The following UTRN variants were observed in gnomAD, a reference collection of about 807,000 sequenced individuals.
UTRN encodes utrophin.
Under a neutral mutation model 463.9 loss-of-function variants are expected in UTRN, and 283 were observed. The observed-to-expected ratio is 0.61, with a 90% CI of 0.55 to 0.67. The LOEUF (loss-of-function observed/expected upper bound fraction) is 0.67, where lower values mean the gene tolerates loss of function less well. UTRN is among the 30% of genes least tolerant of loss of function. The pLI is 0.00. For synonymous variants in UTRN, 1,442 were observed against 1,431.5 expected, an observed-to-expected ratio of 1.01 and a Z score of -0.17; for missense variants, 3,922 against 4,084.3, an observed-to-expected ratio of 0.96 and a Z score of 1.08.
intron 51 of UTRN, among the ~76,000 whole-genome samples, chr6:144,609,173 A>G (rs1384958270): frequency 6.6e-6 from 1 of 152,232 alleles, no homozygotes; most frequent in African/African-American, 2.4e-5. Flanking sequence ...AGAAAAAGTA[A>G]GGTCTAATCA....
intron 65 of UTRN, among the ~76,000 whole-genome samples, chr6:144,812,640 C>T (rs1778723694): frequency 6.6e-6 from 1 of 152,006 alleles, no homozygotes; most frequent in South Asian, 2.1e-4. Flanking sequence ...TGTTCTCTGT[C>T]AAGGATAAAA....
At chr6:144,631,317 C>T (rs1776498416) in intron 51 of UTRN, among the ~76,000 whole-genome samples, 1 of 151,592 alleles carries the variant, frequency 6.6e-6, no homozygotes, top group Non-Finnish European at 1.5e-5. Flanking sequence ...AAGTAACCTC[C>T]TGTCTGGCAT....
intron 53 of UTRN, 116 bp downstream of exon 53, chr6:144,700,359 C>CT: frequency 8.4e-7 from 1 of 1,187,604 alleles, no homozygotes; most frequent in Non-Finnish European, 1.1e-6. Flanking sequence ...TTCCCCCCCC[C>CT]ACCACCGTCT....
At chr6:144,337,150 GACACACACACACAGACAC>G (rs1338103318) in intron 2 of UTRN, among the ~76,000 whole-genome samples, 2 of 147,526 alleles carry the variant, frequency 1.4e-5, no homozygotes, top group African/African-American at 5.0e-5. Flanking sequence ...CACACACAGA[GACACACACACACAGACAC>G]ACACACACAG....
At chr6:144,626,288 A>G (rs1015660570) in intron 51 of UTRN, among the ~76,000 whole-genome samples, 3 of 152,148 alleles carry the variant, frequency 2.0e-5, no homozygotes, top group Admixed American at 2.0e-4. Context: ...GTCAGTAATA[A>G]ATAGTTTGTT....
chr6:144,435,005 G>A (rs1011650208), intron 9 of UTRN, among the ~76,000 whole-genome samples: 20 of 152,168 alleles, frequency 1.3e-4, no homozygotes, highest in African/African-American at 4.6e-4. Flanking sequence ...AGAAAGGTCC[G>A]TTTGGCAATG....
At chr6:144,645,796 G>T (rs564554584) in intron 51 of UTRN, among the ~76,000 whole-genome samples, 33 of 152,138 alleles carry the variant, frequency 2.2e-4, no homozygotes, top group Non-Finnish European at 3.2e-4. Flanking sequence ...TCAAAGCATG[G>T]TTCTGACTCT....
chr6:144,461,466 A>C (rs1420537552), intron 22 of UTRN, 124 bp downstream of exon 22: 10 of 1,121,018 alleles, frequency 8.9e-6, no homozygotes, highest in Non-Finnish European at 1.2e-5. Context: ...TTGGTGCAAA[A>C]ATGTGTTTAT....
chr6:144,565,804 G>A (rs762241848), intron 50 of UTRN, among the ~76,000 whole-genome samples: 53 of 152,178 alleles, frequency 3.5e-4, no homozygotes, highest in Non-Finnish European at 6.0e-4. Flanking sequence ...AGAGTGAGAT[G>A]AAGGTGAAGA....
chr6:144,496,799 G>T (rs766676735), intron 33 of UTRN, among the ~76,000 whole-genome samples: 1 of 152,220 alleles, frequency 6.6e-6, no homozygotes, highest in Non-Finnish European at 1.5e-5. Context: ...ACCCAGTCTT[G>T]TGTTAGGAAG....
At chr6:144,451,269 A>C (rs1788274292) in intron 17 of UTRN, 101 bp from the exon 18 acceptor site, 1 of 1,398,740 alleles carries the variant, frequency 7.1e-7, no homozygotes, top group Admixed American at 2.3e-5. Context: ...GGGAGTGATA[A>C]AAAGACATAT....
At chr6:144,768,029 T>A (rs1282040090) in intron 58 of UTRN, among the ~76,000 whole-genome samples, 1 of 152,200 alleles carries the variant, frequency 6.6e-6, no homozygotes, top group Non-Finnish European at 1.5e-5. Context: ...ACCACTCTAA[T>A]GAGGACAAAT....
At chr6:144,790,213 T>G (rs1776645327) in intron 62 of UTRN, among the ~76,000 whole-genome samples, 1 of 152,234 alleles carries the variant, frequency 6.6e-6, no homozygotes, top group African/African-American at 2.4e-5. Flanking sequence ...ATCACATATC[T>G]TTTGATTTAT....
intron 51 of UTRN, among the ~76,000 whole-genome samples, chr6:144,635,431 G>T (rs1008949105): frequency 2.7e-5 from 4 of 150,516 alleles, no homozygotes; most frequent in Non-Finnish European, 5.9e-5. Context: ...AATTAAGGGC[G>T]TGAGCCACCA....
intron 2 of UTRN, chr6:144,398,175 C>A (rs1021792470): frequency 8.1e-6 from 2 of 246,816 alleles, no homozygotes; most frequent in Middle Eastern, 4.9e-4. Context: ...CCTGCTCTTG[C>A]AATATTCTCT....
chr6:144,817,645 C>CA (rs1037301263), intron 65 of UTRN, among the ~76,000 whole-genome samples: 10 of 151,928 alleles, frequency 6.6e-5, no homozygotes, highest in Non-Finnish European at 1.2e-4. Flanking sequence ...CATTTCGGTG[C>CA]AAAAATGGGT....
chr6:144,639,825 T>A (rs1210498609), intron 51 of UTRN, among the ~76,000 whole-genome samples: 1 of 152,172 alleles, frequency 6.6e-6, no homozygotes, highest in Non-Finnish European at 1.5e-5. Flanking sequence ...AGAGGGGCAT[T>A]AACAAAGCTT....
At chr6:144,548,611 T>C (rs764054989) in intron 46 of UTRN, 29 bp from the exon 47 acceptor site, 6 of 1,596,910 alleles carry the variant, frequency 3.8e-6, no homozygotes, top group Non-Finnish European at 5.1e-6. Flanking sequence ...TGTTGATTAA[T>C]TTCTCTTTTG....
chr6:144,357,015 C>T (rs1425662289), intron 2 of UTRN, among the ~76,000 whole-genome samples: 1 of 152,006 alleles, frequency 6.6e-6, no homozygotes, highest in South Asian at 2.1e-4. Context: ...TTGTTGGAGA[C>T]CCATAGCCTG....
Sources: gnomAD v4.1 joint callset for allele counts (sites outside exome capture counted in the v4.1 genomes callset) on GRCh38, gnomAD v4.1.1 for gene constraint, MANE v1.5 for transcripts, NCBI Gene and HGNC (gene_info 2026-07-23, HGNC 2026-07-21) for gene names.